The following SLC16A3 variants were observed in gnomAD, a reference collection of about 807,000 sequenced individuals.
SLC16A3 encodes monocarboxylate transporter 4.
Under a neutral mutation model 25.0 loss-of-function variants are expected in SLC16A3, and 22 were observed. The ratio of observed to expected loss-of-function variants is 0.88; its 90% CI spans 0.63 to 1.26. The LOEUF (loss-of-function observed/expected upper bound fraction) is 1.26, where lower values mean the gene tolerates loss of function less well. SLC16A3 is among the 50% of genes most tolerant of loss of function. The pLI is 0.00. For synonymous variants in SLC16A3, 390 were observed against 309.2 expected (o/e 1.26, Z -2.74); for missense variants, 731 against 666.6 (o/e 1.10, Z -1.06).
rs533227051 is a variant in SLC16A3 at position 82,240,038 on chromosome 17, G to T, written c.*1062G>T. On this transcript the variant is annotated 3_prime_UTR_variant, in exon 5 of 5. Coordinates refer to ENST00000582743, the MANE Select transcript of SLC16A3 (RefSeq NM_004207.4). Reference sequence around the variant, plus strand: ...GTGCCCTGGCGGGCCGCGTGCAGCCGGAGAGATGCCATGTCCCTGCTCCTC... The same window carrying T: ...GTGCCCTGGCGGGCCGCGTGCAGCCTGAGAGATGCCATGTCCCTGCTCCTC... The T allele has an allele frequency of 8.1e-7, 1 of 1,233,684 alleles. No individual in the cohort carries two copies. The highest frequency in any genetic ancestry group is 1.6e-5 in the African/African-American group (1 of 64,474). 76.4% of individuals were successfully genotyped at this position (1,233,684 alleles called of 1,614,324 possible).
upstream of SLC16A3, among the ~76,000 whole-genome samples, chr17:82,226,102 C>T (rs1737425931): frequency 1.3e-5 from 2 of 151,952 alleles, no homozygotes; most frequent in African/African-American, 4.8e-5. Flanking sequence ...GACCTGGGGG[C>T]CAGGCCCCTA....
chr17:82,220,037 G>C (rs888341788), intron 1 of SLC16A3, among the ~76,000 whole-genome samples: 1 of 152,156 alleles, frequency 6.6e-6, no homozygotes, highest in African/African-American at 2.4e-5. Flanking sequence ...GGTTGGGGGG[G>C]CTCTCAGGGC....
chr17:82,219,306 C>A (rs1307365557), intron 1 of SLC16A3, among the ~76,000 whole-genome samples: 5 of 152,088 alleles, frequency 3.3e-5, no homozygotes, highest in Non-Finnish European at 7.4e-5. Flanking sequence ...TGTGGGGCAG[C>A]AGCACACTTT....
chr17:82,220,393 C>G (rs1028173318), intron 1 of SLC16A3, among the ~76,000 whole-genome samples: 2 of 152,206 alleles, frequency 1.3e-5, no homozygotes, highest in East Asian at 3.8e-4. Flanking sequence ...AACCTCTGGC[C>G]TCACAGGCAG....
chr17:82,235,970 C>T lies in SLC16A3; in HGVS notation c.-26-13C>T, dbSNP rs762681444. On this transcript the variant is annotated splice_polypyrimidine_tract_variant and intron_variant, in intron 1 of 4. Coordinates refer to ENST00000582743, the MANE Select transcript of SLC16A3 (RefSeq NM_004207.4). The stretch of plus-strand genomic sequence containing the variant: ...CACCCGGGCAGCCTGAGTCAGCCTG[C>T]TTTCTCTCTCAGGTGAGGCGGAACC... The T allele has an allele frequency of 3.8e-6, 6 of 1,563,048 alleles. No homozygotes were observed. The highest frequency in any genetic ancestry group is 5.2e-6 in the Non-Finnish European group (6 of 1,147,176).
chr17:82,225,114 T>C (rs1177213978), upstream of SLC16A3, among the ~76,000 whole-genome samples: 1 of 152,092 alleles, frequency 6.6e-6, no homozygotes, highest in Non-Finnish European at 1.5e-5. Flanking sequence ...TACAAAACAT[T>C]AGCTGGGCGT....
chr17:82,221,781 G>C (rs760279842), intron 1 of SLC16A3, among the ~76,000 whole-genome samples: 1 of 152,086 alleles, frequency 6.6e-6, no homozygotes, highest in African/African-American at 2.4e-5. Context: ...GCACGGGCCT[G>C]GAGTCTCAGC....
intron 1 of SLC16A3, 26 bp downstream of exon 1, chr17:82,229,132 G>C (rs1217152895): frequency 6.6e-6 from 1 of 151,564 alleles, no homozygotes; most frequent in Non-Finnish European, 1.5e-5. Flanking sequence ...ATGCTCGCGC[G>C]CGGGCCGGGG....
At chr17:82,232,979 C>T (rs1271959168) in intron 1 of SLC16A3, among the ~76,000 whole-genome samples, 1 of 150,006 alleles carries the variant, frequency 6.7e-6, no homozygotes, top group Non-Finnish European at 1.5e-5. Flanking sequence ...CACGGAGAGG[C>T]CAATGCTTGG....
intron 3 of SLC16A3, 84 bp downstream of exon 3, chr17:82,236,956 G>T: frequency 6.4e-7 from 1 of 1,554,402 alleles, no homozygotes; most frequent in South Asian, 1.2e-5. Context: ...GCCTCTGGAG[G>T]ACAGCAGGGC....
rs530479437 is a variant in SLC16A3 at position 82,232,918 on chromosome 17, C to CCGGGGG, written c.-26-3065_-26-3064insCGGGGG. ...GGTTGGCATGCTTCCTGGGGGGCGG[C>CCGGGGG]GGGGGGGGGGTTGGTAAATGTCAGG... is the stretch of plus-strand genomic sequence containing the variant. On this transcript the variant is annotated intron_variant, in intron 1 of 4. Coordinates refer to ENST00000582743, the MANE Select transcript of SLC16A3 (RefSeq NM_004207.4). 2.1e-4 allele frequency among the ~76,000 whole-genome samples: 10 copies of CCGGGGG among 47,244 alleles called. 2 individuals carry two copies. The highest frequency in any genetic ancestry group is 1.6e-3 in the East Asian group (3 of 1,872). 31.0% of individuals were successfully genotyped at this position (47,244 alleles called of 152,430 possible). A position where few individuals can be genotyped will look rare whatever the true frequency, so the allele number is the denominator to read the frequency against.
chr17:82,232,918 C>CGGGGG (rs150048859), intron 1 of SLC16A3, among the ~76,000 whole-genome samples: 1,034 of 47,060 alleles, frequency 0.022, 47 homozygotes, highest in East Asian at 0.063. Context: ...TGGGGGGCGG[C>CGGGGG]GGGGGGGGGG....
chr17:82,225,264 A>G (rs1013815839), upstream of SLC16A3, among the ~76,000 whole-genome samples: 2 of 152,182 alleles, frequency 1.3e-5, no homozygotes, highest in Admixed American at 1.3e-4. Flanking sequence ...CTGTCAAAAA[A>G]AAATAATAAT....
chr17:82,220,834 G>A (rs2050384854), intron 1 of SLC16A3, among the ~76,000 whole-genome samples: 1 of 151,964 alleles, frequency 6.6e-6, no homozygotes, highest in African/African-American at 2.4e-5. Flanking sequence ...TATTTATTTA[G>A]TTTTAGACAG....
At chr17:82,218,933 C>T (rs764072902) in intron 1 of SLC16A3, among the ~76,000 whole-genome samples, 2 of 152,126 alleles carry the variant, frequency 1.3e-5, no homozygotes, top group Non-Finnish European at 2.9e-5. Context: ...GACCACGGGA[C>T]TTGCCACTGG....
chr17:82,228,904 G>C (rs915049161), upstream of SLC16A3: 4 of 150,232 alleles, frequency 2.7e-5, no homozygotes, highest in Admixed American at 6.6e-5. Context: ...TCGGGGAGCT[G>C]CGGCCCGGGA....
Position 82,237,875 on chromosome 17 carries a change from G to C in SLC16A3, c.1105G>C (p.Val369Leu). ...GCTGATGGAGGCGGTGGCCGTGCTC[G>C]TCGGGCCCCCTTCGGGAGGTGAGCG... ...VLLMEAVAVL[V>L]GPPSGGKLLD... Residue 369 changes from valine to leucine, a missense_variant, in exon 4 of 5, where the codon GTC becomes CTC. Val to Leu is a conservative substitution (Grantham distance 32). Transcript: ENST00000582743. 2.5e-6 allele frequency: 4 copies of C among 1,600,166 alleles called. No individual in the cohort carries two copies. The highest frequency in any genetic ancestry group is 3.4e-6 in the Non-Finnish European group (4 of 1,179,728).
At chr17:82,232,115 C>T (rs1468208336) in intron 1 of SLC16A3, 1 of 152,272 alleles carries the variant, frequency 6.6e-6, no homozygotes, top group African/African-American at 2.4e-5. Context: ...ACAGAGGCCG[C>T]TTCCTTGGTC....
chr17:82,225,718 G>C (rs375110063), upstream of SLC16A3, among the ~76,000 whole-genome samples: 1 of 152,218 alleles, frequency 6.6e-6, no homozygotes, highest in Admixed American at 6.5e-5. Context: ...GCCAAGACTG[G>C]GTCAGGACGG....
Sources: gnomAD v4.1 joint callset for allele counts (sites outside exome capture counted in the v4.1 genomes callset) on GRCh38, gnomAD v4.1.1 for gene constraint, MANE v1.5 for transcripts, NCBI Gene and HGNC (gene_info 2026-07-23, HGNC 2026-07-21) for gene names.